The following RERE variants were observed in gnomAD, a reference collection of about 807,000 sequenced individuals.
RERE encodes arginine-glutamic acid dipeptide repeats protein.
Under a neutral mutation model 146.1 loss-of-function variants are expected in RERE, and 40 were observed. That is an observed-to-expected ratio of 0.27 (90% CI 0.21 to 0.36). The LOEUF (loss-of-function observed/expected upper bound fraction) is 0.36, where lower values mean the gene tolerates loss of function less well. Ranked by LOEUF, RERE falls within the 10% of genes least tolerant of loss-of-function variation. RERE has a pLI of 1.00. For synonymous variants in RERE, 1,003 were observed against 866.0 expected (o/e 1.16, Z -2.78); for missense variants, 1,933 against 2,138.7 (o/e 0.90, Z 1.90).
At chr1:8,572,637 G>A (rs542771444) in intron 4 of RERE, among the ~76,000 whole-genome samples, 1 of 152,270 alleles carries the variant, frequency 6.6e-6, no homozygotes, top group Non-Finnish European at 1.5e-5. Context: ...GCATCTGCTA[G>A]GCACCAGACA....
At chr1:8,459,298 A>G (rs531543495) in intron 11 of RERE, among the ~76,000 whole-genome samples, 1 of 152,344 alleles carries the variant, frequency 6.6e-6, no homozygotes, top group South Asian at 2.1e-4. Flanking sequence ...AGTAATATGT[A>G]CATACGTGTA....
At chr1:8,673,714 T>C (rs981281189) in intron 1 of RERE, among the ~76,000 whole-genome samples, 1 of 152,208 alleles carries the variant, frequency 6.6e-6, no homozygotes, top group East Asian at 1.9e-4. Flanking sequence ...TCAAGTATCA[T>C]GTTTCTGTAA....
intron 3 of RERE, among the ~76,000 whole-genome samples, chr1:8,621,405 G>A (rs1646914278): frequency 1.3e-5 from 2 of 152,250 alleles, no homozygotes; most frequent in South Asian, 4.2e-4. Context: ...GTGACTGGCG[G>A]TAGATGTCTC....
intron 11 of RERE, among the ~76,000 whole-genome samples, chr1:8,440,490 C>T (rs1419135338): frequency 1.3e-5 from 2 of 151,004 alleles, no homozygotes; most frequent in Admixed American, 1.3e-4. Flanking sequence ...ACTCAGGAGG[C>T]TGAGGCAGGA....
chr1:8,385,507 C>G (rs1160697133), intron 12 of RERE, among the ~76,000 whole-genome samples: 3 of 152,134 alleles, frequency 2.0e-5, no homozygotes, highest in Non-Finnish European at 2.9e-5. Context: ...TCCTGCCTTA[C>G]ATTAACACAA....
At chr1:8,551,047 A>G (rs1370490146) in intron 6 of RERE, among the ~76,000 whole-genome samples, 12 of 152,186 alleles carry the variant, frequency 7.9e-5, no homozygotes, top group Non-Finnish European at 1.8e-4. Flanking sequence ...TCTTCCAGAA[A>G]ATTCATCCTA....
chr1:8,696,219 C>T (rs1254596551), intron 1 of RERE, among the ~76,000 whole-genome samples: 1 of 152,152 alleles, frequency 6.6e-6, no homozygotes, highest in Admixed American at 6.5e-5. Flanking sequence ...AATCGTTCTA[C>T]CAAAAATACA....
intron 1 of RERE, chr1:8,799,647 A>C (rs1641548577): frequency 6.6e-6 from 1 of 152,220 alleles, no homozygotes; most frequent in Non-Finnish European, 1.5e-5. Flanking sequence ...GAATTTGAGG[A>C]TGCAGTAAGC....
rs1482301150 is a variant in RERE, at chr1:8,353,506, TGA to T, written c.*1579_*1580del. The T allele has an allele frequency of 1.3e-5, 2 of 152,212 alleles. No individual in the cohort carries two copies. Among genetic ancestry groups the T allele is most frequent in the African/African-American group, 4.8e-5 (2 of 41,424 alleles). 9.4% of individuals were successfully genotyped at this position (152,212 alleles called of 1,614,324 possible). A position where few individuals can be genotyped will look rare whatever the true frequency, so the allele number is the denominator to read the frequency against. Reference sequence around the variant, plus strand: ...AATGGCAGAAGAGACCTCCAGTGTCTGAGAGAAAAGGATCGGAAGAGGCCACG... The same window carrying T: ...AATGGCAGAAGAGACCTCCAGTGTCTGAGAAAAGGATCGGAAGAGGCCACG... On this transcript the variant is annotated 3_prime_UTR_variant, in exon 23 of 23. Coordinates refer to ENST00000400908, the MANE Select transcript of RERE (RefSeq NM_001042681.2).
chr1:8,401,612 T>A (rs985557408), intron 12 of RERE, among the ~76,000 whole-genome samples: 8 of 151,718 alleles, frequency 5.3e-5, no homozygotes, highest in African/African-American at 1.9e-4. Context: ...ATAAAAATAT[T>A]AGCCAGGCAT....
At chr1:8,673,060 T>C (rs1250966685) in intron 1 of RERE, among the ~76,000 whole-genome samples, 2 of 152,176 alleles carry the variant, frequency 1.3e-5, no homozygotes, top group African/African-American at 4.8e-5. Context: ...CATTCAAGAA[T>C]AAAATAACTT....
chr1:8,763,356 G>A (rs1389454364), intron 1 of RERE, among the ~76,000 whole-genome samples: 1 of 152,168 alleles, frequency 6.6e-6, no homozygotes, highest in Non-Finnish European at 1.5e-5. Flanking sequence ...TGTCCAGCTG[G>A]GCGCAGTGGC....
chr1:8,612,190 T>A (rs1646800989), intron 4 of RERE, among the ~76,000 whole-genome samples: 1 of 152,228 alleles, frequency 6.6e-6, no homozygotes, highest in Non-Finnish European at 1.5e-5. Context: ...AGGGAAGACA[T>A]CTGGTGTATC....
chr1:8,381,118 T>C (rs1202484909), intron 12 of RERE: 3 of 397,654 alleles, frequency 7.5e-6, no homozygotes, highest in East Asian at 1.4e-4. Flanking sequence ...TACTGACCCA[T>C]AGGAAGCGAG....
chr1:8,375,183 A>G (rs1394070822), intron 12 of RERE, among the ~76,000 whole-genome samples: 1 of 152,256 alleles, frequency 6.6e-6, no homozygotes, highest in Non-Finnish European at 1.5e-5. Flanking sequence ...ATCTGATGAA[A>G]TGATTATTTC....
intron 4 of RERE, among the ~76,000 whole-genome samples, chr1:8,596,590 C>A (rs1393421058): frequency 6.6e-6 from 1 of 151,790 alleles, no homozygotes; most frequent in Non-Finnish European, 1.5e-5. Flanking sequence ...TCACTATAAC[C>A]TGGACCTCCT....
At chr1:8,652,684 T>C (rs6577514) in intron 2 of RERE, among the ~76,000 whole-genome samples, 4 of 151,898 alleles carry the variant, frequency 2.6e-5, no homozygotes, top group Non-Finnish European at 4.4e-5. Flanking sequence ...AAAACCATCA[T>C]ATCCTGTGAG....
intron 1 of RERE, among the ~76,000 whole-genome samples, chr1:8,713,482 C>T (rs1639706484): frequency 6.6e-6 from 1 of 152,064 alleles, no homozygotes; most frequent in Admixed American, 6.6e-5. Flanking sequence ...ATCTATAATC[C>T]TAGCACTTTG....
At chr1:8,394,147 A>G (rs149748272) in intron 12 of RERE, among the ~76,000 whole-genome samples, 1 of 152,194 alleles carries the variant, frequency 6.6e-6, no homozygotes, top group Non-Finnish European at 1.5e-5. Flanking sequence ...TATAATCCCA[A>G]CTTTCAATTT....
Sources: gnomAD v4.1 joint callset for allele counts (sites outside exome capture counted in the v4.1 genomes callset) on GRCh38, gnomAD v4.1.1 for gene constraint, MANE v1.5 for transcripts, NCBI Gene and HGNC (gene_info 2026-07-23, HGNC 2026-07-21) for gene names.